BCAR3: variants seen among roughly 807,000 people sequenced by gnomAD.
BCAR3 encodes BCAR3 adaptor protein, NSP family member, also known as breast cancer anti-estrogen resistance protein 3.
A neutral mutation model predicts 80.1 loss-of-function variants in BCAR3; 37 were observed. The ratio of observed to expected loss-of-function variants is 0.46; its 90% CI spans 0.36 to 0.61. BCAR3 has a LOEUF of 0.61. Ranked by LOEUF, BCAR3 falls within the 20% of genes least tolerant of loss-of-function variation. BCAR3 has a pLI of 0.00. For missense variants in BCAR3, 978 were observed against 1,068.2 expected (o/e 0.92, Z 1.18); for synonymous variants, 389 against 418.9 (o/e 0.93, Z 0.87).
chr1:93,742,907 G>A (rs1308680966), intron 2 of BCAR3, among the ~76,000 whole-genome samples: 1 of 152,154 alleles, frequency 6.6e-6, no homozygotes, highest in Non-Finnish European at 1.5e-5. Context: ...GGGAACTGAA[G>A]AAAGGGCATG....
At chr1:93,679,447 A>G (rs1217714297) in intron 1 of BCAR3, among the ~76,000 whole-genome samples, 1 of 152,238 alleles carries the variant, frequency 6.6e-6, no homozygotes, top group African/African-American at 2.4e-5. Context: ...ACGGACACAG[A>G]CACAGACACA....
chr1:93,671,746 T>C (rs765546098), intron 2 of BCAR3, among the ~76,000 whole-genome samples: 12 of 152,198 alleles, frequency 7.9e-5, no homozygotes, highest in Non-Finnish European at 1.8e-4. Flanking sequence ...TAGCTCTGCA[T>C]ATGCAAAAAC....
At chr1:93,652,921 T>C (rs1357258744) in intron 2 of BCAR3, among the ~76,000 whole-genome samples, 1 of 152,266 alleles carries the variant, frequency 6.6e-6, no homozygotes, top group Non-Finnish European at 1.5e-5. Context: ...GTTCAAACTT[T>C]AGAAATGTTT....
intron 2 of BCAR3, among the ~76,000 whole-genome samples, chr1:93,759,784 G>A (rs1013388349): frequency 6.6e-6 from 1 of 152,178 alleles, no homozygotes; most frequent in African/African-American, 2.4e-5. Context: ...AGCCACACAG[G>A]AGGTGCTGCT....
At position 93,561,895 on chromosome 1, in the gene BCAR3, C is replaced by G. The variant is rs1672688518; in HGVS notation, c.*346G>C. 5.7e-6 allele frequency: 1 copy of G among 175,184 alleles called. No individual in the cohort carries two copies. The highest frequency in any genetic ancestry group is 2.4e-5 in the African/African-American group (1 of 42,412). 10.9% of individuals were successfully genotyped at this position (175,184 alleles called of 1,614,324 possible). On this transcript the variant is annotated 3_prime_UTR_variant, in exon 12 of 12. Coordinates refer to ENST00000260502, the MANE Select transcript of BCAR3 (RefSeq NM_003567.4). ...TTCTGAAATGTTTCATGCTTTTAAA[C>G]TCTTCTATTTACACTTATCTGACAT... is the stretch of plus-strand genomic sequence containing the variant.
At chr1:93,809,295 T>A (rs934869647) in intron 2 of BCAR3, among the ~76,000 whole-genome samples, 11 of 151,508 alleles carry the variant, frequency 7.3e-5, no homozygotes, top group African/African-American at 2.7e-4. Context: ...AGAATAAAGA[T>A]GCTAAATTAA....
intron 11 of BCAR3, among the ~76,000 whole-genome samples, chr1:93,566,308 A>G (rs994872476): frequency 6.6e-6 from 1 of 152,068 alleles, no homozygotes; most frequent in Non-Finnish European, 1.5e-5. Context: ...TTAACAATCA[A>G]TGCAGTGTTT....
intron 2 of BCAR3, among the ~76,000 whole-genome samples, chr1:93,812,657 T>G (rs140259400): frequency 6.6e-6 from 1 of 152,336 alleles, no homozygotes; most frequent in East Asian, 1.9e-4. Context: ...ACTGCCCAGC[T>G]AGAGGCACCA....
rs1654295985 is a variant in BCAR3 at position 93,823,685 on chromosome 1, C to G, written c.-63+21882G>C. ...TTTTTTAACCTACATAGAAAAGTATCTCATTGTTTTTTGTTGTTGTTGTTA... is the reference window on the plus strand; with the variant it reads ...TTTTTTAACCTACATAGAAAAGTATGTCATTGTTTTTTGTTGTTGTTGTTA... On this transcript the variant is annotated intron_variant, in intron 2 of 13. Transcript: ENST00000370244. 3.7e-5 allele frequency among the ~76,000 whole-genome samples: 5 copies of G among 133,994 alleles called. 1 individual carries two copies. In the South Asian group the frequency reaches 1.5e-3, roughly 40 times the overall value. 87.9% of individuals were successfully genotyped at this position (133,994 alleles called of 152,430 possible). A position where few individuals can be genotyped will look rare whatever the true frequency, so the allele number is the denominator to read the frequency against.
chr1:93,839,603 A>G (rs1256276300), intron 2 of BCAR3, among the ~76,000 whole-genome samples: 3 of 152,200 alleles, frequency 2.0e-5, no homozygotes, highest in Non-Finnish European at 4.4e-5. Flanking sequence ...TGCCTCTTTT[A>G]GATTGGACTG....
chr1:93,726,068 T>G (rs1050868444), intron 2 of BCAR3, among the ~76,000 whole-genome samples: 2 of 152,084 alleles, frequency 1.3e-5, no homozygotes, highest in East Asian at 1.9e-4. Context: ...AGCTTTTTTT[T>G]TTGTTTTTTT....
At chr1:93,819,709 A>G (rs1006315264) in intron 2 of BCAR3, among the ~76,000 whole-genome samples, 4 of 152,038 alleles carry the variant, frequency 2.6e-5, no homozygotes, top group Non-Finnish European at 5.9e-5. Context: ...TACCACAAAC[A>G]CTATAACTTT....
intron 2 of BCAR3, among the ~76,000 whole-genome samples, chr1:93,708,110 C>T (rs1294815285): frequency 6.6e-6 from 1 of 152,170 alleles, no homozygotes; most frequent in Non-Finnish European, 1.5e-5. Context: ...ACTTCGCAGA[C>T]TGCTACAATA....
At chr1:93,741,713 C>T (rs138348340) in intron 2 of BCAR3, among the ~76,000 whole-genome samples, 2,119 of 152,122 alleles carry the variant, frequency 0.014, 38 homozygotes, top group African/African-American at 0.046. Flanking sequence ...GGATTACAGG[C>T]GTGCACCACC....
intron 8 of BCAR3, among the ~76,000 whole-genome samples, chr1:93,574,374 A>G (rs1225024072): frequency 1.3e-5 from 2 of 152,234 alleles, no homozygotes; most frequent in Non-Finnish European, 2.9e-5. Context: ...CAGGACCTCT[A>G]TAACCTTGGC....
chr1:93,649,346 C>A (rs1426934234), intron 2 of BCAR3, among the ~76,000 whole-genome samples: 1 of 152,160 alleles, frequency 6.6e-6, no homozygotes, highest in Non-Finnish European at 1.5e-5. Flanking sequence ...TGTGTGGGGA[C>A]ACTGCTAACT....
At chr1:93,747,816 A>G (rs1204567993) in intron 2 of BCAR3, among the ~76,000 whole-genome samples, 1 of 151,676 alleles carries the variant, frequency 6.6e-6, no homozygotes, top group Non-Finnish European at 1.5e-5. Context: ...CCAGTGTGCT[A>G]TGCTCCAGCC....
chr1:93,806,985 G>A (rs761181804), intron 2 of BCAR3, among the ~76,000 whole-genome samples: 7 of 151,992 alleles, frequency 4.6e-5, no homozygotes, highest in African/African-American at 9.7e-5. Context: ...CACACCTGTC[G>A]TCCCAGCTAC....
chr1:93,826,675 CTAAAGGAATATA>C (rs1654383897), intron 2 of BCAR3, among the ~76,000 whole-genome samples: 1 of 152,130 alleles, frequency 6.6e-6, no homozygotes, highest in African/African-American at 2.4e-5. Flanking sequence ...AGTCAGGGTG[CTAAAGGAATATA>C]TAACAGGAAT....
Sources: gnomAD v4.1 joint callset for allele counts (sites outside exome capture counted in the v4.1 genomes callset) on GRCh38, gnomAD v4.1.1 for gene constraint, MANE v1.5 for transcripts, NCBI Gene and HGNC (gene_info 2026-07-23, HGNC 2026-07-21) for gene names.